RNF121: variants seen among roughly 807,000 people sequenced by gnomAD.
RNF121 encodes the protein ring finger protein 121, also known as E3 ubiquitin ligase RNF121.
A neutral mutation model predicts 46.5 loss-of-function variants in RNF121; 21 were observed. The ratio of observed to expected loss-of-function variants is 0.45; its 90% CI spans 0.32 to 0.65. The LOEUF is 0.65. Among genes scored for constraint, RNF121 ranks in the 30% least tolerant of loss-of-function variants. The pLI is 0.04. For synonymous variants in RNF121, 139 were observed against 144.7 expected (o/e 0.96, Z 0.28); for missense variants, 346 against 416.0 (o/e 0.83, Z 1.46).
At chr11:71,935,816 A>C (rs1056042123) in intron 1 of RNF121, among the ~76,000 whole-genome samples, 1 of 151,360 alleles carries the variant, frequency 6.6e-6, no homozygotes, top group Non-Finnish European at 1.5e-5. Context: ...GAATGACTGA[A>C]TGAATGAATG....
chr11:71,932,473 T>C (rs1953298334), intron 1 of RNF121, among the ~76,000 whole-genome samples: 1 of 152,242 alleles, frequency 6.6e-6, no homozygotes, highest in African/African-American at 2.4e-5. Flanking sequence ...ATTTGTGCTC[T>C]AGGGGGTGGG....
intron 6 of RNF121, among the ~76,000 whole-genome samples, chr11:71,993,117 T>G (rs191994569): frequency 7.2e-5 from 11 of 152,340 alleles, no homozygotes; most frequent in Non-Finnish European, 1.2e-4. Flanking sequence ...GACAGTTTAT[T>G]AGGTTCCTTT....
intron 3 of RNF121, among the ~76,000 whole-genome samples, chr11:71,964,148 G>A (rs530441800): frequency 3.9e-5 from 6 of 152,018 alleles, no homozygotes; most frequent in African/African-American, 1.4e-4. Context: ...CCTGAACACA[G>A]GATATCTTTT....
intron 6 of RNF121, among the ~76,000 whole-genome samples, chr11:71,993,714 T>G (rs1954912201): frequency 6.6e-6 from 1 of 152,180 alleles, no homozygotes; most frequent in East Asian, 1.9e-4. Context: ...ATACCGAGAA[T>G]GGAATTGCTT....
chr11:71,951,216 A>AAAT (rs1470811978), intron 1 of RNF121, among the ~76,000 whole-genome samples: 1 of 151,734 alleles, frequency 6.6e-6, no homozygotes, highest in Non-Finnish European at 1.5e-5. Flanking sequence ...TCTCAAAAAA[A>AAAT]AAAAAATGCA....
intron 4 of RNF121, among the ~76,000 whole-genome samples, chr11:71,985,204 G>C (rs1290375714): frequency 6.6e-6 from 1 of 152,080 alleles, no homozygotes; most frequent in Admixed American, 6.6e-5. Context: ...TGGGATTCCA[G>C]GTGTGAGCCA....
At chr11:71,947,233 C>G (rs1953748942) in intron 1 of RNF121, among the ~76,000 whole-genome samples, 1 of 152,004 alleles carries the variant, frequency 6.6e-6, no homozygotes, top group Admixed American at 6.6e-5. Context: ...TATGGCTAGG[C>G]ATGGTGGCTC....
At chr11:71,986,958 C>T (rs1333624678) in intron 4 of RNF121, 46 bp from the exon 5 acceptor site, 4 of 1,113,852 alleles carry the variant, frequency 3.6e-6, no homozygotes, top group South Asian at 2.5e-5. Flanking sequence ...ACCATTAAGG[C>T]CAGAATCTCT....
At chr11:71,933,462 G>A (rs1480917937) in intron 1 of RNF121, among the ~76,000 whole-genome samples, 1 of 152,162 alleles carries the variant, frequency 6.6e-6, no homozygotes, top group Non-Finnish European at 1.5e-5. Context: ...AGAGAAGACT[G>A]GACTAGATTG....
At chr11:71,990,324 G>C (rs1340418135) in intron 5 of RNF121, among the ~76,000 whole-genome samples, 1 of 152,208 alleles carries the variant, frequency 6.6e-6, no homozygotes, top group Non-Finnish European at 1.5e-5. Flanking sequence ...ACCAGTTAGG[G>C]GAGGCAAGGA....
chr11:71,965,190 A>C (rs1034316748), intron 3 of RNF121, among the ~76,000 whole-genome samples: 2 of 151,892 alleles, frequency 1.3e-5, no homozygotes, highest in Admixed American at 6.6e-5. Flanking sequence ...ACCTAATACT[A>C]TCTCTCAAAT....
chr11:71,959,373 A>G (rs1001798436), intron 2 of RNF121, among the ~76,000 whole-genome samples: 5 of 152,112 alleles, frequency 3.3e-5, no homozygotes, highest in Non-Finnish European at 5.9e-5. Flanking sequence ...ACTTTTTGTT[A>G]TATTTGCTTT....
chr11:71,987,886 G>A (rs1447757983), intron 5 of RNF121, among the ~76,000 whole-genome samples: 2 of 152,216 alleles, frequency 1.3e-5, no homozygotes, highest in East Asian at 1.9e-4. Flanking sequence ...ACAGATGGGT[G>A]TGGAAGCCAC....
At chr11:71,956,806 C>T (rs947683137) in intron 1 of RNF121, among the ~76,000 whole-genome samples, 1 of 151,838 alleles carries the variant, frequency 6.6e-6, no homozygotes, top group African/African-American at 2.4e-5. Flanking sequence ...CTGGATAATT[C>T]ACATCTCCTC....
At position 71,995,397 on chromosome 11, in the gene RNF121, G is replaced by A. The variant is rs757210628; in HGVS notation, c.762-53G>A. 11 of 1,414,380 alleles carry A rather than the reference G, an allele frequency of 7.8e-6. No homozygotes were observed. In the Admixed American group the frequency reaches 7.9e-5, roughly 10 times the overall value. 87.6% of individuals were successfully genotyped at this position (1,414,380 alleles called of 1,614,324 possible). A position where few individuals can be genotyped will look rare whatever the true frequency, so the allele number is the denominator to read the frequency against. On this transcript the variant is annotated intron_variant, in intron 7 of 8. Transcript: ENST00000361756. ...ATTTGAACCTTTCAAAGACTGTCTG[G>A]GGCTGGAGTGCCGCCCTGGCTCTCA... is the stretch of plus-strand genomic sequence containing the variant.
At chr11:71,988,124 TG>T in intron 5 of RNF121, among the ~76,000 whole-genome samples, 1 of 152,352 alleles carries the variant, frequency 6.6e-6, no homozygotes, top group Admixed American at 6.5e-5. Context: ...CAGATAACGC[TG>T]CTCTGTTGCT....
intron 3 of RNF121, among the ~76,000 whole-genome samples, chr11:71,976,126 T>A (rs1411335675): frequency 1.3e-5 from 2 of 152,156 alleles, no homozygotes; most frequent in African/African-American, 4.8e-5. Flanking sequence ...TTCTCCAGGC[T>A]TAATATCCTG....
intron 1 of RNF121, among the ~76,000 whole-genome samples, chr11:71,930,833 A>C (rs913896704): frequency 6.6e-6 from 1 of 151,996 alleles, no homozygotes; most frequent in South Asian, 2.1e-4. Flanking sequence ...AGAAAATAAC[A>C]TTTTCTTTTT....
intron 1 of RNF121, among the ~76,000 whole-genome samples, chr11:71,942,631 G>C (rs1172635046): frequency 6.6e-6 from 1 of 151,906 alleles, no homozygotes; most frequent in African/African-American, 2.4e-5. Context: ...GGGCATGGTG[G>C]CAGGTGCCAG....
Sources: gnomAD v4.1 joint callset for allele counts (sites outside exome capture counted in the v4.1 genomes callset) on GRCh38, gnomAD v4.1.1 for gene constraint, MANE v1.5 for transcripts, NCBI Gene and HGNC (gene_info 2026-07-23, HGNC 2026-07-21) for gene names.